The following CLEC4D variants were observed in gnomAD, a reference collection of about 807,000 sequenced individuals.
CLEC4D encodes C-type lectin domain family 4 member D.
CLEC4D carries 21 observed loss-of-function variants against 21.1 expected under a neutral mutation model. The observed-to-expected ratio is 1.00, with a 90% confidence interval of 0.71 to 1.43. The LOEUF is 1.43. CLEC4D is among the 40% of genes most tolerant of loss of function. The pLI, the probability that CLEC4D is intolerant of heterozygous loss-of-function variation, is 0.00. For missense variants in CLEC4D, 289 were observed against 260.7 expected, an observed-to-expected ratio of 1.11 and a Z score of -0.75; for synonymous variants, 85 against 83.1, an observed-to-expected ratio of 1.02 and a Z score of -0.12.
At chr12:8,530,827 T>C in the CLEC4D span, among the ~76,000 whole-genome samples, 1 of 152,176 alleles carries the variant, frequency 6.6e-6, no homozygotes, top group Non-Finnish European at 1.5e-5. Flanking sequence ...AAATCAACAA[T>C]ATAATACTCT....
At chr12:8,517,073 G>A (rs1338478839) in intron 2 of CLEC4D, among the ~76,000 whole-genome samples, 1 of 152,160 alleles carries the variant, frequency 6.6e-6, no homozygotes, top group Non-Finnish European at 1.5e-5. Context: ...AAATTGTGAA[G>A]CAAAGCACAG....
chr12:8,529,248 T>TGAATTGAGAG, the CLEC4D span, among the ~76,000 whole-genome samples: 9 of 152,180 alleles, frequency 5.9e-5, no homozygotes, highest in Non-Finnish European at 1.2e-4. Context: ...TGCATTTGAA[T>TGAATTGAGAG]GAATTGAGAG....
rs1159809746 is a variant in CLEC4D at position 8,517,815 on chromosome 12, G to A, written c.122-349G>A. 3.9e-5 allele frequency among the ~76,000 whole-genome samples: 6 copies of A among 152,072 alleles called. 2 individuals carry two copies. The highest frequency in any genetic ancestry group is 1.2e-4 in the African/African-American group (5 of 41,484). ...GAAAAAATTAGCCGGACGTGGTGGC[G>A]GGCGCCTGTAGTCCCAGCTACTCGG... On this transcript the variant is annotated intron_variant, in intron 2 of 5. Coordinates refer to ENST00000299665, the MANE Select transcript of CLEC4D (RefSeq NM_080387.5).
At chr12:8,516,936 G>A (rs1432417370) in intron 2 of CLEC4D, among the ~76,000 whole-genome samples, 4 of 152,114 alleles carry the variant, frequency 2.6e-5, no homozygotes, top group African/African-American at 9.7e-5. Flanking sequence ...AATTATAGCG[G>A]GCACGTAACA....
Position 8,520,287 on chromosome 12 carries a change from A to G in CLEC4D, c.446A>G (p.Asn149Ser). 2 of 1,614,050 alleles carry G rather than the reference A, an allele frequency of 1.2e-6. No individual in the cohort carries two copies. The highest frequency in any genetic ancestry group is 1.7e-6 in the Non-Finnish European group (2 of 1,179,906). ...TATTTCCTTGGACTTAGAGATGAGA[A>G]TGCCAAAGGTCAGTGGCGTTGGGTG... ...LSYFLGLRDE[N>S]AKGQWRWVDQ... Residue 149 changes from asparagine to serine, a missense_variant, in exon 5 of 6, where the codon AAT becomes AGT. Asn to Ser is a conservative substitution (Grantham distance 46). Transcript: ENST00000299665.
Position 8,515,230 on chromosome 12 carries a change from TC to T in CLEC4D, c.29-4del. 1 of 1,287,040 alleles carries T rather than the reference TC, an allele frequency of 7.8e-7. No individual in the cohort carries two copies. The highest frequency in any genetic ancestry group is 1.1e-6 in the Non-Finnish European group (1 of 881,576). The allele number at this position is 1,287,040 out of a possible 1,614,324, so 79.7% of individuals were successfully genotyped here. A position where few individuals can be genotyped will look rare whatever the true frequency, so the allele number is the denominator to read the frequency against. The stretch of plus-strand genomic sequence containing the variant: ...AGGTTAATCTCTATTTTTCTTTTGG[TC>T]CTAGTGGAAGGAGGCATGCATCCCC... On this transcript the variant is annotated splice_polypyrimidine_tract_variant and splice_region_variant and intron_variant, in intron 1 of 5. Coordinates refer to ENST00000299665, the MANE Select transcript of CLEC4D (RefSeq NM_080387.5).
chr12:8,519,027 G>T lies in CLEC4D; in HGVS notation c.251G>T (p.Cys84Phe). 7 of 1,613,930 alleles carry T rather than the reference G, an allele frequency of 4.3e-6. No individual in the cohort carries two copies. Among genetic ancestry groups the T allele is most frequent in the Non-Finnish European group, 5.9e-6 (7 of 1,179,960 alleles). Reference protein sequence around the residue: ...KSAEGSTWNCCPIDWRAFQSN... With the variant: ...KSAEGSTWNCFPIDWRAFQSN... Reference sequence around the variant, plus strand: ...ACTTGAGGGAGCACCTGGAACTGTTGTCCTATTGACTGGAGAGCCTTCCAG... The same window carrying T: ...ACTTGAGGGAGCACCTGGAACTGTTTTCCTATTGACTGGAGAGCCTTCCAG... Residue 84 changes from cysteine (C) to phenylalanine (F), a missense_variant, in exon 4 of 6, where the codon TGT (cysteine) becomes TTT (phenylalanine). By Grantham distance (205) the Cys-to-Phe change is radical. Coordinates refer to ENST00000299665, the MANE Select transcript of CLEC4D (RefSeq NM_080387.5).
intron 1 of CLEC4D, among the ~76,000 whole-genome samples, 190 bp downstream of exon 1, chr12:8,513,950 T>A (rs1448511960): frequency 6.6e-6 from 1 of 151,924 alleles, no homozygotes; most frequent in Non-Finnish European, 1.5e-5. Context: ...AACTTCTTTA[T>A]AAAATGTATA....
chr12:8,524,545 T>G (rs1380219539), downstream of CLEC4D, among the ~76,000 whole-genome samples: 15 of 152,220 alleles, frequency 9.9e-5, no homozygotes, highest in Non-Finnish European at 1.5e-5. Context: ...TCAGTGGTGA[T>G]ATCCCCTTTA....
the CLEC4D span, among the ~76,000 whole-genome samples, chr12:8,531,270 G>T: frequency 6.6e-6 from 1 of 151,974 alleles, no homozygotes; most frequent in African/African-American, 2.4e-5. Flanking sequence ...TCCCCCTCCC[G>T]CATATACATG....
intron 5 of CLEC4D, among the ~76,000 whole-genome samples, chr12:8,520,616 A>C (rs116066352): frequency 0.014 from 2,076 of 152,318 alleles, 48 homozygotes; most frequent in African/African-American, 0.046. Flanking sequence ...TAAATAAACA[A>C]TATAAGCGAT....
At chr12:8,531,000 C>G in the CLEC4D span, among the ~76,000 whole-genome samples, 3 of 152,204 alleles carry the variant, frequency 2.0e-5, no homozygotes, top group Admixed American at 1.3e-4. Context: ...GGACATCCAC[C>G]TCACCCTGCC....
rs774766287 is a variant in CLEC4D, at chr12:8,520,325, T to C, written c.484T>C (p.Phe162Leu). 1.9e-6 allele frequency: 3 copies of C among 1,613,938 alleles called. No individual in the cohort carries two copies. In the South Asian group the frequency reaches 3.3e-5, roughly 18 times the overall value. ...GQWRWVDQTPFNPRRVFWHKN... is the reference protein window; with the variant it reads ...GQWRWVDQTPLNPRRVFWHKN... The stretch of plus-strand genomic sequence containing the variant: ...GTGGCGTTGGGTGGACCAGACGCCA[T>C]TTAACCCACGCAGAGTGTAAGTATA... The change falls in exon 5 of 6, where the codon TTT becomes CTT. Residue 162 changes from phenylalanine (F) to leucine (L), a missense_variant. Transcript: ENST00000299665.
At chr12:8,524,406 A>G (rs1940491864), downstream of CLEC4D, among the ~76,000 whole-genome samples, 1 of 152,054 alleles carries the variant, frequency 6.6e-6, no homozygotes, top group South Asian at 2.1e-4. Flanking sequence ...CAGGGATTCA[A>G]CTTCTTCCTG....
At chr12:8,529,287 G>C in the CLEC4D span, among the ~76,000 whole-genome samples, 1 of 152,116 alleles carries the variant, frequency 6.6e-6, no homozygotes, top group Non-Finnish European at 1.5e-5. Flanking sequence ...GAGTTAAAAG[G>C]TGAATTATGT....
At chr12:8,518,482 G>A (rs866840123) in intron 3 of CLEC4D, among the ~76,000 whole-genome samples, 2 of 152,182 alleles carry the variant, frequency 1.3e-5, no homozygotes, top group Non-Finnish European at 2.9e-5. Flanking sequence ...TTTACAGATG[G>A]ATGGGTTATT....
the CLEC4D span, among the ~76,000 whole-genome samples, chr12:8,528,735 T>C: frequency 6.6e-6 from 1 of 152,220 alleles, no homozygotes; most frequent in South Asian, 2.1e-4. Flanking sequence ...GATAAATAAA[T>C]CTTCTAACCT....
At chr12:8,531,049 G>A in the CLEC4D span, among the ~76,000 whole-genome samples, 2 of 151,864 alleles carry the variant, frequency 1.3e-5, no homozygotes, top group African/African-American at 4.8e-5. Flanking sequence ...CTCCTGCTTC[G>A]GCTCAGACAC....
rs755396880 is a variant in CLEC4D, at chr12:8,515,300, C to T, written c.93C>T (p.Leu31=). The change falls in exon 2 of 6, where the codon CTC becomes CTT. Residue 31 remains leucine (L), a synonymous_variant. Coordinates refer to ENST00000299665, the MANE Select transcript of CLEC4D (RefSeq NM_080387.5). ...SVIAVVFILL[L]SVCFIASCLV... is the part of the protein sequence containing the mutation. ...TTGCTGTAGTTTTCATCTTACTTCTCAGTGTCTGTTTTATTGCAAGTTGTT... is the reference window on the plus strand; with the variant it reads ...TTGCTGTAGTTTTCATCTTACTTCTTAGTGTCTGTTTTATTGCAAGTTGTT... 4.1e-5 allele frequency: 62 copies of T among 1,494,838 alleles called. 1 individual carries two copies. The African/African-American group carries it at 6.7e-4, about 16-fold the overall frequency. 92.6% of individuals were successfully genotyped at this position (1,494,838 alleles called of 1,614,324 possible).
Sources: allele counts gnomAD v4.1 joint callset (sites outside exome capture counted in the v4.1 genomes callset), GRCh38; gene constraint gnomAD v4.1.1; transcripts MANE v1.5; gene names NCBI Gene and HGNC (gene_info 2026-07-23, HGNC 2026-07-21).